The following ST3GAL3 variants were observed in gnomAD, a reference collection of about 807,000 sequenced individuals.
ST3GAL3 encodes the protein CMP-N-acetylneuraminate-beta-1,4-galactoside alpha-2,3-sialyltransferase.
In ST3GAL3, 21 loss-of-function variants were observed where a neutral mutation model predicts 50.1. The observed-to-expected ratio is 0.42, with a 90% CI of 0.30 to 0.60. The LOEUF is 0.60. ST3GAL3 is among the 20% of genes least tolerant of loss of function. The pLI, the probability that ST3GAL3 is intolerant of heterozygous loss-of-function variation, is 0.19. For synonymous variants in ST3GAL3, 183 were observed against 190.0 expected (o/e 0.96, Z 0.30); for missense variants, 353 against 489.4 (o/e 0.72, Z 2.63).
At chr1:43,785,944 T>C (rs1356269010) in intron 2 of ST3GAL3, among the ~76,000 whole-genome samples, 1 of 152,184 alleles carries the variant, frequency 6.6e-6, no homozygotes, top group Admixed American at 6.5e-5. Context: ...CCAAGCTAGA[T>C]ATCATTCTCT....
At chr1:43,902,422 G>A (rs894765218) in intron 9 of ST3GAL3, among the ~76,000 whole-genome samples, 14 of 152,202 alleles carry the variant, frequency 9.2e-5, no homozygotes, top group African/African-American at 3.4e-4. Flanking sequence ...CAGGGGGGAA[G>A]ATGTAGGAAA....
At chr1:43,843,961 C>T (rs1335844620) in intron 5 of ST3GAL3, among the ~76,000 whole-genome samples, 2 of 152,196 alleles carry the variant, frequency 1.3e-5, no homozygotes, top group East Asian at 1.9e-4. Context: ...ATCTCGCCAA[C>T]CAGCTATAAG....
At chr1:43,771,136 A>G (rs1558226666) in intron 2 of ST3GAL3, among the ~76,000 whole-genome samples, 1 of 152,144 alleles carries the variant, frequency 6.6e-6, no homozygotes, top group African/African-American at 2.4e-5. Flanking sequence ...GAACATTTTC[A>G]TCCTCTATTT....
At chr1:43,761,487 T>C (rs951851547) in intron 2 of ST3GAL3, among the ~76,000 whole-genome samples, 2 of 151,760 alleles carry the variant, frequency 1.3e-5, no homozygotes, top group Non-Finnish European at 2.9e-5. Context: ...ACTTGTTTTA[T>C]AATAATGCAG....
At chr1:43,850,541 C>A in intron 5 of ST3GAL3, 3 of 685,646 alleles carry the variant, frequency 4.4e-6, no homozygotes, top group South Asian at 4.3e-5. Flanking sequence ...GGTTCCCCAG[C>A]CGCAGTCCAC....
At chr1:43,798,741 A>T (rs1381028519) in intron 3 of ST3GAL3, among the ~76,000 whole-genome samples, 2 of 152,152 alleles carry the variant, frequency 1.3e-5, no homozygotes, top group Non-Finnish European at 2.9e-5. Context: ...TTGCTTATTT[A>T]CTTGCACACT....
chr1:43,718,679 C>CT lies in ST3GAL3; in HGVS notation c.-31+11012dup, dbSNP rs56873855. Among the ~76,000 whole-genome samples the CT allele has an allele frequency of 2.9e-3, 85 of 29,140 alleles. 3 individuals carry two copies. The highest frequency in any genetic ancestry group is 6.9e-3 in the African/African-American group (74 of 10,648). 19.1% of individuals were successfully genotyped at this position (29,140 alleles called of 152,430 possible). ...ACGTGTTTTTATCCTTCTGCTACATCTTTTTTTTTTTTTTTTTTTTTTTTT... is the reference window on the plus strand; with the variant it reads ...ACGTGTTTTTATCCTTCTGCTACATCTTTTTTTTTTTTTTTTTTTTTTTTTT... On this transcript the variant is annotated intron_variant, in intron 1 of 11. Coordinates refer to ENST00000347631, the MANE Select transcript of ST3GAL3 (RefSeq NM_006279.5).
intron 2 of ST3GAL3, among the ~76,000 whole-genome samples, chr1:43,764,212 C>T (rs892634367): frequency 3.3e-5 from 5 of 152,140 alleles, no homozygotes; most frequent in African/African-American, 9.7e-5. Context: ...TTCCTTAAGA[C>T]AATTTCAGAG....
At chr1:43,929,974 A>T (rs1049941588) in intron 11 of ST3GAL3, 158 bp from the exon 12 acceptor site, 11 of 769,246 alleles carry the variant, frequency 1.4e-5, no homozygotes, top group Non-Finnish European at 2.6e-5. Flanking sequence ...GAGCAGGGTC[A>T]TCATTACCGT....
At chr1:43,761,689 G>C (rs1690400293) in intron 2 of ST3GAL3, among the ~76,000 whole-genome samples, 1 of 151,790 alleles carries the variant, frequency 6.6e-6, no homozygotes, top group African/African-American at 2.4e-5. Context: ...GGTGGCTCAT[G>C]CCTGTAATCC....
intron 1 of ST3GAL3, among the ~76,000 whole-genome samples, chr1:43,714,421 C>T (rs1390688207): frequency 5.0e-5 from 6 of 120,934 alleles, no homozygotes; most frequent in Non-Finnish European, 1.0e-4. Context: ...AACCCCGTCT[C>T]TACTAAAATA....
chr1:43,900,301 A>C (rs2078074060), intron 9 of ST3GAL3, among the ~76,000 whole-genome samples: 1 of 152,188 alleles, frequency 6.6e-6, no homozygotes, highest in African/African-American at 2.4e-5. Flanking sequence ...CCACTGACTT[A>C]TAGTTGAATT....
chr1:43,893,946 C>A (rs533472626), intron 5 of ST3GAL3, among the ~76,000 whole-genome samples: 1 of 152,294 alleles, frequency 6.6e-6, no homozygotes, highest in South Asian at 2.1e-4. Flanking sequence ...TCCCAGAATT[C>A]TCTCCAAAAT....
chr1:43,850,517 A>C, intron 5 of ST3GAL3: 2 of 659,624 alleles, frequency 3.0e-6, no homozygotes, highest in South Asian at 1.4e-5. Flanking sequence ...AAAGTCCAAG[A>C]GATGTCAGTG....
intron 2 of ST3GAL3, among the ~76,000 whole-genome samples, chr1:43,789,743 A>C (rs1488091674): frequency 8.5e-5 from 13 of 152,086 alleles, no homozygotes; most frequent in Admixed American, 3.3e-4. Context: ...AGGCTGGCAC[A>C]TGCACCTGTA....
intron 2 of ST3GAL3, among the ~76,000 whole-genome samples, chr1:43,777,007 G>A (rs907038682): frequency 6.6e-6 from 1 of 152,112 alleles, no homozygotes; most frequent in African/African-American, 2.4e-5. Flanking sequence ...GTGAAAGGAG[G>A]AATGTCATAT....
chr1:43,920,289 C>T, intron 9 of ST3GAL3, 115 bp from the exon 10 acceptor site: 1 of 1,317,356 alleles, frequency 7.6e-7, no homozygotes, highest in Non-Finnish European at 1.1e-6. Flanking sequence ...CCCTGGGTTC[C>T]CCATTAAACG....
intron 9 of ST3GAL3, among the ~76,000 whole-genome samples, chr1:43,902,444 C>T (rs966179278): frequency 1.1e-4 from 16 of 152,204 alleles, no homozygotes; most frequent in African/African-American, 3.6e-4. Context: ...GACAGCCAAA[C>T]AACCCAGAGA....
chr1:43,729,219 A>G (rs1240853809), intron 1 of ST3GAL3, among the ~76,000 whole-genome samples: 1 of 150,776 alleles, frequency 6.6e-6, no homozygotes, highest in African/African-American at 2.4e-5. Context: ...CCTCCCAAGT[A>G]GCTGGGATTA....
Sources: allele counts gnomAD v4.1 joint callset (sites outside exome capture counted in the v4.1 genomes callset), GRCh38; gene constraint gnomAD v4.1.1; transcripts MANE v1.5; gene names NCBI Gene and HGNC (gene_info 2026-07-23, HGNC 2026-07-21).